The following ENTREP2 variants were observed in gnomAD, a reference collection of about 807,000 sequenced individuals.
ENTREP2 encodes protein ENTREP2.
chr15:29,642,584 A>G, the ENTREP2 span, among the ~76,000 whole-genome samples: 1 of 147,902 alleles, frequency 6.8e-6, no homozygotes, highest in African/African-American at 2.5e-5. Context: ...TATATATACT[A>G]TATATATAGT....
At chr15:29,177,194 G>A in the ENTREP2 span, among the ~76,000 whole-genome samples, 29 of 152,170 alleles carry the variant, frequency 1.9e-4, no homozygotes, top group African/African-American at 6.3e-4. Flanking sequence ...GGGGGAGGAT[G>A]GCAGGGAGTG....
At chr15:29,464,290 T>C in the ENTREP2 span, among the ~76,000 whole-genome samples, 1 of 151,940 alleles carries the variant, frequency 6.6e-6, no homozygotes, top group Non-Finnish European at 1.5e-5. Flanking sequence ...GAAGGACAGC[T>C]GAGAAACGTG....
At chr15:29,460,330 T>C in the ENTREP2 span, among the ~76,000 whole-genome samples, 1 of 152,094 alleles carries the variant, frequency 6.6e-6, no homozygotes, top group Non-Finnish European at 1.5e-5. Flanking sequence ...TCAGTTACGA[T>C]TCTTAAATCA....
the ENTREP2 span, among the ~76,000 whole-genome samples, chr15:29,223,489 G>C: frequency 1.3e-5 from 2 of 151,978 alleles, no homozygotes; most frequent in Non-Finnish European, 2.9e-5. Context: ...ACATGCTAGC[G>C]GGGAGTCCAG....
chr15:29,614,883 C>T, the ENTREP2 span, among the ~76,000 whole-genome samples: 8 of 151,924 alleles, frequency 5.3e-5, no homozygotes, highest in Non-Finnish European at 1.2e-4. Flanking sequence ...ATAGCAAGAC[C>T]ACGTCTCTAT....
At chr15:29,198,422 A>C in the ENTREP2 span, among the ~76,000 whole-genome samples, 6 of 152,350 alleles carry the variant, frequency 3.9e-5, no homozygotes, top group South Asian at 1.2e-3. Flanking sequence ...CAAACAAATT[A>C]TACTCCCACC....
the ENTREP2 span, among the ~76,000 whole-genome samples, chr15:29,348,636 T>C: frequency 1.3e-5 from 2 of 152,264 alleles, no homozygotes; most frequent in East Asian, 3.9e-4. Flanking sequence ...CAAAAGTAGC[T>C]CTGAAGAAGT....
the ENTREP2 span, chr15:29,570,710 C>T: frequency 2.8e-6 from 3 of 1,088,456 alleles, no homozygotes; most frequent in South Asian, 1.3e-4. Context: ...TCGGGGGCCG[C>T]CGGCCGGAGG....
At chr15:29,605,847 T>C in the ENTREP2 span, among the ~76,000 whole-genome samples, 1 of 151,752 alleles carries the variant, frequency 6.6e-6, no homozygotes, top group Admixed American at 6.6e-5. Flanking sequence ...AAGAAAAAAA[T>C]AAAATATGGA....
the ENTREP2 span, among the ~76,000 whole-genome samples, chr15:29,293,755 G>A: frequency 7.5e-4 from 115 of 152,328 alleles, no homozygotes; most frequent in Admixed American, 1.3e-3. Flanking sequence ...GCCATGCTGA[G>A]CAACTCTCTT....
At chr15:29,304,940 A>T in the ENTREP2 span, among the ~76,000 whole-genome samples, 3 of 151,848 alleles carry the variant, frequency 2.0e-5, no homozygotes, top group African/African-American at 7.3e-5. Context: ...CTCTGCTGTC[A>T]CCATCCTATT....
At chr15:29,141,849 C>T in the ENTREP2 span, among the ~76,000 whole-genome samples, 9 of 152,328 alleles carry the variant, frequency 5.9e-5, no homozygotes, top group Non-Finnish European at 7.3e-5. Context: ...GGGGAGAGCC[C>T]GCCCTGCGGC....
the ENTREP2 span, among the ~76,000 whole-genome samples, chr15:29,303,845 A>G: frequency 1.2e-4 from 18 of 152,084 alleles, no homozygotes; most frequent in Admixed American, 1.2e-3. Flanking sequence ...TTACGGCTGC[A>G]TAGTATTCCA....
the ENTREP2 span, among the ~76,000 whole-genome samples, chr15:29,256,296 G>A: frequency 6.6e-6 from 1 of 151,924 alleles, no homozygotes. Flanking sequence ...ACACACCCAG[G>A]TAACAAACCT....
At chr15:29,553,387 G>A in the ENTREP2 span, among the ~76,000 whole-genome samples, 2 of 152,110 alleles carry the variant, frequency 1.3e-5, no homozygotes, top group African/African-American at 4.8e-5. Context: ...AATACCAGGA[G>A]GATTTGGGAA....
the ENTREP2 span, among the ~76,000 whole-genome samples, chr15:29,219,610 CATAAATATATATATATATATATAT>C: frequency 2.0e-5 from 2 of 97,994 alleles, no homozygotes; most frequent in African/African-American, 9.9e-5. Flanking sequence ...AACTGTGGTG[CATAAATATATATATATATATATAT>C]ATATATATAT....
At chr15:29,173,943 CCA>C in the ENTREP2 span, among the ~76,000 whole-genome samples, 1 of 132,480 alleles carries the variant, frequency 7.5e-6, no homozygotes. Context: ...ATCTGGATAG[CCA>C]AAAAAAAAAA....
the ENTREP2 span, among the ~76,000 whole-genome samples, chr15:29,657,429 GC>G: frequency 7.8e-6 from 1 of 128,270 alleles, no homozygotes; most frequent in Non-Finnish European, 1.6e-5. Context: ...AAAGGACAAA[GC>G]TTCCACCACA....
the ENTREP2 span, among the ~76,000 whole-genome samples, chr15:29,141,174 A>G: frequency 3.0e-4 from 46 of 152,312 alleles, no homozygotes; most frequent in Middle Eastern, 3.4e-3. Flanking sequence ...ATTTCAGTCT[A>G]TCCACACAGC....
Sources: gnomAD v4.1 joint callset for allele counts (sites outside exome capture counted in the v4.1 genomes callset) on GRCh38, gnomAD v4.1.1 for gene constraint, MANE v1.5 for transcripts, NCBI Gene and HGNC (gene_info 2026-07-23, HGNC 2026-07-21) for gene names.